ALPK2: variants seen among roughly 807,000 people sequenced by gnomAD.
The protein encoded by ALPK2 is alpha-protein kinase 2.
A neutral mutation model predicts 163.1 loss-of-function variants in ALPK2; 127 were observed. The ratio of observed to expected loss-of-function variants is 0.78; its 90% CI spans 0.67 to 0.90. The LOEUF is 0.90. Ranked by LOEUF, ALPK2 falls within the 40% of genes least tolerant of loss-of-function variation. ALPK2 has a pLI of 0.00. For missense variants in ALPK2, 2,360 were observed against 2,589.6 expected (o/e 0.91, Z 1.92); for synonymous variants, 953 against 959.1 (o/e 0.99, Z 0.12).
At chr18:58,528,869 C>A in intron 6 of ALPK2, 1 of 547,712 alleles carries the variant, frequency 1.8e-6, no homozygotes, top group South Asian at 2.1e-5. Flanking sequence ...CCCAAAACCC[C>A]AGAACTCAAT....
At chr18:58,552,174 A>G (rs765927164) in intron 4 of ALPK2, among the ~76,000 whole-genome samples, 2 of 152,216 alleles carry the variant, frequency 1.3e-5, no homozygotes, top group East Asian at 1.9e-4. Context: ...ATCAGCAGAA[A>G]GGGGAACTTA....
chr18:58,533,557 T>A (rs1383587453), intron 5 of ALPK2, among the ~76,000 whole-genome samples: 2 of 150,490 alleles, frequency 1.3e-5, no homozygotes, highest in Non-Finnish European at 3.0e-5. Flanking sequence ...CTTTCTGGGG[T>A]CAGGTGATTC....
intron 2 of ALPK2, among the ~76,000 whole-genome samples, chr18:58,609,161 T>C (rs754027358): frequency 2.7e-5 from 4 of 146,032 alleles, no homozygotes; most frequent in Non-Finnish European, 4.5e-5. Context: ...ATGAATGCGC[T>C]TTTTTGGCAA....
chr18:58,558,316 T>C (rs2051805450), intron 4 of ALPK2, among the ~76,000 whole-genome samples: 1 of 152,186 alleles, frequency 6.6e-6, no homozygotes, highest in South Asian at 2.1e-4. Context: ...AAATGTAAAA[T>C]ATCTCATTAA....
chr18:58,532,297 C>G (rs2277719), intron 5 of ALPK2, among the ~76,000 whole-genome samples: 1 of 152,076 alleles, frequency 6.6e-6, no homozygotes, highest in Non-Finnish European at 1.5e-5. Context: ...TCCAGAAACC[C>G]GTTCTAATTT....
At chr18:58,598,597 T>C (rs1417631404) in intron 3 of ALPK2, among the ~76,000 whole-genome samples, 1 of 152,156 alleles carries the variant, frequency 6.6e-6, no homozygotes, top group Non-Finnish European at 1.5e-5. Flanking sequence ...ACTGAACCCC[T>C]TTCTCAGTCC....
chr18:58,504,268 G>A (rs1458649840), intron 10 of ALPK2, 120 bp from the exon 11 acceptor site: 4 of 772,100 alleles, frequency 5.2e-6, no homozygotes, highest in East Asian at 2.6e-5. Flanking sequence ...ATTCTGCTAG[G>A]TTTAGACTAC....
chr18:58,524,982 C>T (rs2051576808), intron 6 of ALPK2, among the ~76,000 whole-genome samples: 1 of 145,122 alleles, frequency 6.9e-6, no homozygotes, highest in African/African-American at 2.6e-5. Context: ...GATATTCAGA[C>T]GTTGTTCTGG....
intron 4 of ALPK2, among the ~76,000 whole-genome samples, chr18:58,545,621 G>C (rs1469140410): frequency 1.3e-5 from 2 of 152,244 alleles, no homozygotes; most frequent in Admixed American, 6.5e-5. Context: ...GGAGGGCCAA[G>C]CCACTCGGTC....
chr18:58,609,057 G>A (rs1329582623), intron 2 of ALPK2, among the ~76,000 whole-genome samples: 1 of 152,068 alleles, frequency 6.6e-6, no homozygotes, highest in African/African-American at 2.4e-5. Context: ...CGTTAGACCT[G>A]CACCTGCACC....
chr18:58,487,073 T>C (rs7243198), intron 12 of ALPK2, among the ~76,000 whole-genome samples: 48,084 of 152,088 alleles, frequency 0.32, 8,668 homozygotes, highest in East Asian at 0.79. Context: ...TGGATAGATA[T>C]AGGGGGTTGA....
chr18:58,515,330 T>G (rs2051515666), intron 9 of ALPK2, among the ~76,000 whole-genome samples: 1 of 152,146 alleles, frequency 6.6e-6, no homozygotes. Flanking sequence ...GTCCCTGAAC[T>G]ATAAAATTTC....
At chr18:58,567,282 G>C (rs1049086307) in intron 4 of ALPK2, among the ~76,000 whole-genome samples, 1 of 151,992 alleles carries the variant, frequency 6.6e-6, no homozygotes, top group African/African-American at 2.4e-5. Flanking sequence ...TACTCGGAAG[G>C]CTGAGACAAG....
At chr18:58,574,526 G>C (rs1230143804) in intron 4 of ALPK2, among the ~76,000 whole-genome samples, 1 of 151,422 alleles carries the variant, frequency 6.6e-6, no homozygotes, top group African/African-American at 2.4e-5. Flanking sequence ...GTAACTGTCT[G>C]TCTCCTGTTA....
intron 1 of ALPK2, among the ~76,000 whole-genome samples, chr18:58,625,078 A>G (rs1391979536): frequency 1.3e-5 from 2 of 151,932 alleles, no homozygotes; most frequent in Non-Finnish European, 2.9e-5. Flanking sequence ...TTTCCTTTAC[A>G]TAGAAGGACC....
intron 4 of ALPK2, among the ~76,000 whole-genome samples, chr18:58,574,724 A>G (rs1321502300): frequency 6.6e-6 from 1 of 152,222 alleles, no homozygotes; most frequent in African/African-American, 2.4e-5. Context: ...CCGCAAAACC[A>G]GTCCCTGGTG....
At chr18:58,538,256 T>A (rs550925371) in intron 4 of ALPK2, 32 bp from the exon 5 acceptor site, 1 of 1,576,396 alleles carries the variant, frequency 6.3e-7, no homozygotes, top group Non-Finnish European at 8.6e-7. Context: ...TTAGTAGAAT[T>A]GTTCATGGGA....
At chr18:58,570,001 G>T (rs533303310) in intron 4 of ALPK2, among the ~76,000 whole-genome samples, 2 of 152,210 alleles carry the variant, frequency 1.3e-5, no homozygotes, top group Admixed American at 6.5e-5. Flanking sequence ...GTGGTGGCGG[G>T]TGCCTGTAAT....
chr18:58,580,619 C>T, intron 3 of ALPK2, 71 bp from the exon 4 acceptor site: 1 of 1,298,738 alleles, frequency 7.7e-7, no homozygotes, highest in Non-Finnish European at 1.1e-6. Flanking sequence ...CACACCATGG[C>T]ACACAGAGAA....
Sources: allele counts gnomAD v4.1 joint callset (sites outside exome capture counted in the v4.1 genomes callset), GRCh38; gene constraint gnomAD v4.1.1; transcripts MANE v1.5; gene names NCBI Gene and HGNC (gene_info 2026-07-23, HGNC 2026-07-21).